The following MBD5 variants were observed in gnomAD, a reference collection of about 807,000 sequenced individuals.
The protein encoded by MBD5 is methyl-CpG binding domain protein 5, also known as methyl-CpG-binding domain protein 5.
Under a neutral mutation model 117.3 loss-of-function variants are expected in MBD5, and 13 were observed. That is an observed-to-expected ratio of 0.11 (90% CI 0.07 to 0.18). The LOEUF (loss-of-function observed/expected upper bound fraction) is 0.18, where lower values mean the gene tolerates loss of function less well. Ranked by LOEUF, MBD5 falls within the 10% of genes least tolerant of loss-of-function variation. The pLI is 1.00. For synonymous variants in MBD5, 727 were observed against 766.4 expected (o/e 0.95, Z 0.85); for missense variants, 1,879 against 2,093.8 (o/e 0.90, Z 2.00).
At chr2:148,470,776 T>A (rs574524576) in intron 8 of MBD5, 1 of 369,746 alleles carries the variant, frequency 2.7e-6, no homozygotes, top group South Asian at 6.4e-5. Context: ...AGGCAGGGTT[T>A]CCTGGTTTGT....
intron 1 of MBD5, among the ~76,000 whole-genome samples, chr2:148,099,048 T>G (rs1224336153): frequency 6.6e-6 from 1 of 151,806 alleles, no homozygotes; most frequent in Non-Finnish European, 1.5e-5. Context: ...GAGCAAGACC[T>G]CATCTCAAAA....
intron 3 of MBD5, among the ~76,000 whole-genome samples, chr2:148,292,785 C>T (rs1164131611): frequency 2.0e-5 from 3 of 151,986 alleles, no homozygotes; most frequent in Non-Finnish European, 4.4e-5. Context: ...TTTGTTGCAG[C>T]ACTGTTTACA....
At chr2:148,201,402 G>A (rs1214486008) in intron 2 of MBD5, among the ~76,000 whole-genome samples, 4 of 152,154 alleles carry the variant, frequency 2.6e-5, no homozygotes, top group Non-Finnish European at 5.9e-5. Context: ...CCCCAGAGGG[G>A]GATGTTACAG....
chr2:148,323,903 A>T (rs1236484880), intron 3 of MBD5, among the ~76,000 whole-genome samples: 2 of 152,324 alleles, frequency 1.3e-5, no homozygotes, highest in South Asian at 4.1e-4. Flanking sequence ...TGTTTTAGAC[A>T]GGAAGTCCTT....
chr2:148,276,209 A>G (rs1157486377), intron 3 of MBD5, among the ~76,000 whole-genome samples: 1 of 152,134 alleles, frequency 6.6e-6, no homozygotes, highest in African/African-American at 2.4e-5. Flanking sequence ...AGTCCTAGCT[A>G]CTTGGGGGGC....
chr2:148,214,176 A>G (rs1699495925), intron 2 of MBD5, among the ~76,000 whole-genome samples: 2 of 152,238 alleles, frequency 1.3e-5, no homozygotes, highest in African/African-American at 4.8e-5. Context: ...TGAGAGGCCA[A>G]CAAATTTTTT....
At chr2:148,405,908 C>T (rs1399981605) in intron 4 of MBD5, among the ~76,000 whole-genome samples, 1 of 152,170 alleles carries the variant, frequency 6.6e-6, no homozygotes, top group Non-Finnish European at 1.5e-5. Context: ...TGCTTGAGCC[C>T]AGGAGTTCGA....
At chr2:148,305,339 C>A (rs1701868436) in intron 3 of MBD5, among the ~76,000 whole-genome samples, 1 of 152,180 alleles carries the variant, frequency 6.6e-6, no homozygotes. Flanking sequence ...AATAAAAGTC[C>A]ATTCCTCATT....
At chr2:148,251,723 A>C (rs1288204759) in intron 3 of MBD5, among the ~76,000 whole-genome samples, 1 of 152,156 alleles carries the variant, frequency 6.6e-6, no homozygotes, top group East Asian at 1.9e-4. Flanking sequence ...ATGTGTAAAA[A>C]TGTTTAAAAG....
At chr2:148,200,425 C>G (rs893368907) in intron 2 of MBD5, among the ~76,000 whole-genome samples, 5 of 152,150 alleles carry the variant, frequency 3.3e-5, no homozygotes, top group African/African-American at 1.2e-4. Flanking sequence ...GGCGCGGTGG[C>G]TCATGCCTGT....
At chr2:148,465,224 A>G (rs1409046385) in intron 7 of MBD5, among the ~76,000 whole-genome samples, 1 of 152,180 alleles carries the variant, frequency 6.6e-6, no homozygotes, top group African/African-American at 2.4e-5. Flanking sequence ...ATCATTAGAC[A>G]CATAATGTCA....
intron 4 of MBD5, among the ~76,000 whole-genome samples, chr2:148,432,436 T>C (rs1706018707): frequency 1.3e-5 from 2 of 152,120 alleles, no homozygotes; most frequent in South Asian, 4.1e-4. Context: ...TCATGAAATC[T>C]TTGCCAAGTC....
intron 1 of MBD5, among the ~76,000 whole-genome samples, chr2:148,077,019 A>G (rs1252692584): frequency 6.6e-6 from 1 of 152,222 alleles, no homozygotes; most frequent in Non-Finnish European, 1.5e-5. Context: ...GAAGGGGACT[A>G]TGCAACAGAG....
At chr2:148,303,739 T>A (rs1701825998) in intron 3 of MBD5, among the ~76,000 whole-genome samples, 1 of 152,224 alleles carries the variant, frequency 6.6e-6, no homozygotes, top group Non-Finnish European at 1.5e-5. Flanking sequence ...ACCAGTAGAT[T>A]GTAATACATC....
intron 3 of MBD5, among the ~76,000 whole-genome samples, chr2:148,282,404 C>T (rs989687763): frequency 5.3e-5 from 8 of 152,034 alleles, no homozygotes; most frequent in African/African-American, 1.7e-4. Flanking sequence ...CAAATCCTGG[C>T]GTTGATATTT....
At chr2:148,225,463 T>C (rs1338077925) in intron 2 of MBD5, among the ~76,000 whole-genome samples, 1 of 152,174 alleles carries the variant, frequency 6.6e-6, no homozygotes, top group Non-Finnish European at 1.5e-5. Context: ...AATTATTTCA[T>C]TTTTCTATTT....
chr2:148,097,879 G>C (rs190931807), intron 1 of MBD5, among the ~76,000 whole-genome samples: 4 of 152,332 alleles, frequency 2.6e-5, no homozygotes, highest in Admixed American at 6.5e-5. Context: ...TGTTGTGCCA[G>C]TGCCTAGAGT....
At chr2:148,046,262 A>G (rs1010920089) in intron 1 of MBD5, among the ~76,000 whole-genome samples, 13 of 152,224 alleles carry the variant, frequency 8.5e-5, no homozygotes, top group East Asian at 3.9e-4. Context: ...GATTACAGGC[A>G]TGAGCCACTG....
intron 4 of MBD5, among the ~76,000 whole-genome samples, chr2:148,405,036 A>C (rs1171181964): frequency 6.6e-6 from 1 of 152,184 alleles, no homozygotes; most frequent in Non-Finnish European, 1.5e-5. Context: ...TGGACTTGAT[A>C]AACATTTTGA....
Sources: allele counts gnomAD v4.1 joint callset (sites outside exome capture counted in the v4.1 genomes callset), GRCh38; gene constraint gnomAD v4.1.1; transcripts MANE v1.5; gene names NCBI Gene and HGNC (gene_info 2026-07-23, HGNC 2026-07-21).